The following GPAT4 variants were observed in gnomAD, a reference collection of about 807,000 sequenced individuals.
GPAT4 encodes 1-AGP acyltransferase 6.
A neutral mutation model predicts 58.0 loss-of-function variants in GPAT4; 17 were observed. The observed-to-expected ratio is 0.29, with a 90% CI of 0.20 to 0.44. The LOEUF (loss-of-function observed/expected upper bound fraction) is 0.44. GPAT4 is among the 20% of genes least tolerant of loss of function. GPAT4 has a pLI of 1.00. For synonymous variants in GPAT4, 204 were observed against 210.1 expected (o/e 0.97, Z 0.25); for missense variants, 377 against 574.5 (o/e 0.66, Z 3.51).
intron 2 of GPAT4, among the ~76,000 whole-genome samples, chr8:41,605,527 G>A (rs1803234950): frequency 6.6e-6 from 1 of 151,752 alleles, no homozygotes; most frequent in South Asian, 2.1e-4. Flanking sequence ...CAGGCATTGA[G>A]AAATCATTGA....
chr8:41,606,779 T>C (rs1280324099), intron 2 of GPAT4, among the ~76,000 whole-genome samples: 1 of 152,146 alleles, frequency 6.6e-6, no homozygotes, highest in African/African-American at 2.4e-5. Context: ...ACGGGTAGTC[T>C]TGTGTAGATG....
chr8:41,601,308 T>C (rs1803087947), intron 2 of GPAT4, among the ~76,000 whole-genome samples: 1 of 152,126 alleles, frequency 6.6e-6, no homozygotes, highest in Non-Finnish European at 1.5e-5. Flanking sequence ...CATATTAAAA[T>C]TTGAGGAGTA....
chr8:41,615,196 A>G (rs1053371422), intron 10 of GPAT4, 148 bp downstream of exon 10: 5 of 676,106 alleles, frequency 7.4e-6, no homozygotes, highest in Non-Finnish European at 1.0e-5. Flanking sequence ...ACGTGGGTCA[A>G]GTGCTGCCGG....
In GPAT4 at chr8:41,589,307, T is replaced by C. The variant is rs1802730673; in HGVS notation, c.-848-8985T>C. ...AATAACTTGTTAGGCCAGTTTGGTG[T>C]TCTCTGTCCTGGAGGCTGGCATTCA... On this transcript the variant is annotated intron_variant, in intron 1 of 12. Coordinates refer to ENST00000396987, the MANE Select transcript of GPAT4 (RefSeq NM_178819.4). 2.1e-5 allele frequency among the ~76,000 whole-genome samples: 3 copies of C among 144,850 alleles called. No homozygotes were observed. The South Asian group carries it at 6.7e-4, about 32-fold the overall frequency.
chr8:41,610,432 G>A (rs2150501474), intron 4 of GPAT4: 2 of 1,268,518 alleles, frequency 1.6e-6, no homozygotes, highest in South Asian at 3.3e-5. Context: ...GGGAAGGGGA[G>A]GGCAGCAGGG....
Position 41,620,878 on chromosome 8 carries a change from C to A in GPAT4, c.1263-15C>A. On this transcript the variant is annotated splice_polypyrimidine_tract_variant and intron_variant, in intron 12 of 12. Transcript: ENST00000396987. ...CCCTCTTGGCTGTTACTACATCCAG[C>A]CTTTGTCTCTCCAGGGATGGGGGCC... 1.3e-6 allele frequency: 2 copies of A among 1,550,184 alleles called. No homozygotes were observed. Among genetic ancestry groups the A allele is most frequent in the East Asian group, 4.9e-5 (2 of 40,914 alleles).
chr8:41,617,347 G>A (rs905510110), intron 10 of GPAT4, among the ~76,000 whole-genome samples: 2 of 152,138 alleles, frequency 1.3e-5, no homozygotes, highest in African/African-American at 4.8e-5. Flanking sequence ...CTGGGCGACA[G>A]TGTGAGACTC....
At chr8:41,587,397 CAG>C (rs1289855109) in intron 1 of GPAT4, among the ~76,000 whole-genome samples, 4 of 152,208 alleles carry the variant, frequency 2.6e-5, no homozygotes, top group Non-Finnish European at 4.4e-5. Flanking sequence ...TTCCTAGTGA[CAG>C]GGGCTTAGAT....
At chr8:41,596,980 G>T (rs1305696025) in intron 1 of GPAT4, among the ~76,000 whole-genome samples, 3 of 152,142 alleles carry the variant, frequency 2.0e-5, no homozygotes, top group Non-Finnish European at 2.9e-5. Flanking sequence ...ACTGGGAGCT[G>T]CATGCACCGG....
rs1585672957 is a variant in GPAT4, at chr8:41,612,734, G to A, written c.796-111G>A. 1.5e-5 allele frequency: 14 copies of A among 922,232 alleles called. No individual in the cohort carries two copies. The East Asian group carries it at 2.2e-4, about 14-fold the overall frequency. 57.1% of individuals were successfully genotyped at this position (922,232 alleles called of 1,614,324 possible). A position where few individuals can be genotyped will look rare whatever the true frequency, so the allele number is the denominator to read the frequency against. ...AGTGAGCAACCTTCAGCCGGCAAGC[G>A]TTAGAAGTGAGAAGTTGGACTGCTT... On this transcript the variant is annotated intron_variant, in intron 7 of 12. Coordinates refer to ENST00000396987, the MANE Select transcript of GPAT4 (RefSeq NM_178819.4).
rs748281173 is a variant in GPAT4 at position 41,609,962 on chromosome 8, C to A, written c.536+7C>A. ...GCTTTCTGCTGCCGCTCAGGTGAGGCAGGGCCTGCGGGAGTGGGGCTCGCT... is the reference window on the plus strand; with the variant it reads ...GCTTTCTGCTGCCGCTCAGGTGAGGAAGGGCCTGCGGGAGTGGGGCTCGCT... On this transcript the variant is annotated splice_region_variant and intron_variant, in intron 4 of 12. Coordinates refer to ENST00000396987, the MANE Select transcript of GPAT4 (RefSeq NM_178819.4). The A allele has an allele frequency of 6.3e-7, 1 of 1,591,284 alleles. No homozygotes were observed. The highest frequency in any genetic ancestry group is 8.6e-7 in the Non-Finnish European group (1 of 1,166,798).
At chr8:41,613,012 G>GT in intron 8 of GPAT4, 52 bp downstream of exon 8, 1 of 1,519,652 alleles carries the variant, frequency 6.6e-7, no homozygotes, top group South Asian at 1.1e-5. Flanking sequence ...TGCTGAAAAG[G>GT]TTTCAGGGTA....
chr8:41,582,036 T>C (rs1802529422), intron 1 of GPAT4, among the ~76,000 whole-genome samples: 1 of 126,756 alleles, frequency 7.9e-6, no homozygotes, highest in African/African-American at 3.0e-5. Context: ...GGAGACTGAG[T>C]CTTCCTCTGT....
At chr8:41,590,063 G>T (rs529514240) in intron 1 of GPAT4, among the ~76,000 whole-genome samples, 3 of 152,132 alleles carry the variant, frequency 2.0e-5, no homozygotes, top group Admixed American at 2.0e-4. Flanking sequence ...TTCTGATAAT[G>T]GAGTCCAGAT....
intron 12 of GPAT4, among the ~76,000 whole-genome samples, chr8:41,620,213 T>C (rs1353855657): frequency 6.6e-6 from 1 of 151,990 alleles, no homozygotes; most frequent in African/African-American, 2.4e-5. Flanking sequence ...TTGAAGGTGG[T>C]GATAATTCTA....
In GPAT4 at chr8:41,620,948, A is replaced by G; in HGVS notation, c.1318A>G (p.Lys440Glu). 6.4e-7 allele frequency: 1 copy of G among 1,551,776 alleles called. No individual in the cohort carries two copies. Among genetic ancestry groups the G allele is most frequent in the Non-Finnish European group, 8.7e-7 (1 of 1,147,302 alleles). ...VKDTFKEEQQ[K>E]LYSKMIVGNH... Reference sequence around the variant, plus strand: ...GGACACGTTCAAGGAGGAGCAGCAGAAGCTGTACAGCAAGATGATCGTGGG... The same window carrying G: ...GGACACGTTCAAGGAGGAGCAGCAGGAGCTGTACAGCAAGATGATCGTGGG... The change falls in exon 13 of 13, where the codon AAG (lysine) becomes GAG (glutamate). Residue 440 changes from lysine to glutamate, a missense_variant. By Grantham distance (56) the Lys-to-Glu change is moderately conservative. Transcript: ENST00000396987.
At chr8:41,620,361 G>A (rs1048248877) in intron 12 of GPAT4, among the ~76,000 whole-genome samples, 3 of 152,168 alleles carry the variant, frequency 2.0e-5, no homozygotes, top group East Asian at 1.9e-4. Flanking sequence ...AGGCAGCCCC[G>A]GAGGTAAACC....
At chr8:41,603,798 G>A (rs1803173216) in intron 2 of GPAT4, among the ~76,000 whole-genome samples, 1 of 152,136 alleles carries the variant, frequency 6.6e-6, no homozygotes, top group African/African-American at 2.4e-5. Context: ...CCAGGTGTAG[G>A]CAGCCCAGCT....
intron 1 of GPAT4, among the ~76,000 whole-genome samples, chr8:41,596,058 G>A (rs573077929): frequency 9.2e-5 from 14 of 152,276 alleles, no homozygotes; most frequent in Admixed American, 9.2e-4. Flanking sequence ...TTTTCTGATG[G>A]CCAACGGCCA....
Sources: allele counts gnomAD v4.1 joint callset (sites outside exome capture counted in the v4.1 genomes callset), GRCh38; gene constraint gnomAD v4.1.1; transcripts MANE v1.5; gene names NCBI Gene and HGNC (gene_info 2026-07-23, HGNC 2026-07-21).